The following PRMT3 variants were observed in gnomAD, a reference collection of about 807,000 sequenced individuals.
The protein encoded by PRMT3 is protein arginine methyltransferase 3, also known as protein arginine N-methyltransferase 3.
Under a neutral mutation model 71.9 loss-of-function variants are expected in PRMT3, and 62 were observed. The ratio of observed to expected loss-of-function variants is 0.86; its 90% confidence interval spans 0.70 to 1.07. PRMT3 has a LOEUF of 1.07. Ranked by LOEUF, PRMT3 falls within the 50% of genes least tolerant of loss-of-function variation. The pLI is 0.00. For missense variants in PRMT3, 663 were observed against 643.0 expected (o/e 1.03, Z -0.34); for synonymous variants, 213 against 220.4 (o/e 0.97, Z 0.30).
chr11:20,425,790 G>T (rs1162630296), intron 9 of PRMT3, among the ~76,000 whole-genome samples: 1 of 152,144 alleles, frequency 6.6e-6, no homozygotes, highest in African/African-American at 2.4e-5. Context: ...GGGGGAAGAG[G>T]AAATGTTCTA....
rs545351334 is a variant in PRMT3, at chr11:20,397,238, G to A, written c.561-339G>A. Among the ~76,000 whole-genome samples, 7 of 152,176 alleles carry A rather than the reference G, an allele frequency of 4.6e-5. No homozygotes were observed. The East Asian group carries it at 1.2e-3, about 25-fold the overall frequency. ...GAATATTAATAGAGCTGAAATAAAC[G>A]ACATTGATTCATTTGCTAAAAAAGG... is the stretch of plus-strand genomic sequence containing the variant. On this transcript the variant is annotated intron_variant, in intron 6 of 15. Coordinates refer to ENST00000331079, the MANE Select transcript of PRMT3 (RefSeq NM_005788.4).
At chr11:20,464,408 T>G in intron 12 of PRMT3, 52 bp from the exon 13 acceptor site, 1 of 1,531,334 alleles carries the variant, frequency 6.5e-7, no homozygotes, top group Non-Finnish European at 8.7e-7. Flanking sequence ...TTTGTTTTTT[T>G]TTTTTGGACT....
intron 10 of PRMT3, among the ~76,000 whole-genome samples, chr11:20,444,978 G>A (rs911411368): frequency 6.6e-6 from 1 of 151,908 alleles, no homozygotes; most frequent in Non-Finnish European, 1.5e-5. Context: ...TCATTATGAA[G>A]TATTGTTCTT....
chr11:20,487,555 T>C (rs73451324), intron 13 of PRMT3, among the ~76,000 whole-genome samples: 6,068 of 152,266 alleles, frequency 0.04, 371 homozygotes, highest in African/African-American at 0.14. Flanking sequence ...TGAGGGGGAC[T>C]ACTAGGGTGC....
chr11:20,421,304 C>T (rs927527378), intron 9 of PRMT3, among the ~76,000 whole-genome samples: 1 of 152,148 alleles, frequency 6.6e-6, no homozygotes. Context: ...TCTCAAGATG[C>T]TGGTATTATA....
At chr11:20,441,540 C>CTCG (rs1402706788) in intron 10 of PRMT3, among the ~76,000 whole-genome samples, 4 of 151,646 alleles carry the variant, frequency 2.6e-5, no homozygotes, top group Non-Finnish European at 5.9e-5. Flanking sequence ...ATCTCCTGAC[C>CTCG]TCGTGATCCA....
intron 13 of PRMT3, among the ~76,000 whole-genome samples, chr11:20,489,751 A>G (rs1851163144): frequency 1.3e-5 from 2 of 151,432 alleles, no homozygotes; most frequent in African/African-American, 2.4e-5. Flanking sequence ...TTATATTACT[A>G]TGTTTCAAAT....
At chr11:20,505,891 G>C (rs986273917) in intron 15 of PRMT3, among the ~76,000 whole-genome samples, 4 of 151,044 alleles carry the variant, frequency 2.6e-5, no homozygotes, top group Admixed American at 6.6e-5. Flanking sequence ...AACCCACGGG[G>C]CGGTAAAATT....
intron 7 of PRMT3, among the ~76,000 whole-genome samples, chr11:20,400,780 A>G (rs994096454): frequency 1.3e-5 from 2 of 152,028 alleles, no homozygotes; most frequent in African/African-American, 4.8e-5. Context: ...TTAAAATATT[A>G]TCTTGCTCCT....
intron 2 of PRMT3, 91 bp downstream of exon 2, chr11:20,388,245 C>A: frequency 1.3e-6 from 2 of 1,558,042 alleles, no homozygotes; most frequent in Admixed American, 1.8e-5. Context: ...GGGAGGCAAG[C>A]CAGAGTGGCC....
chr11:20,397,483 A>T, intron 6 of PRMT3, 94 bp from the exon 7 acceptor site: 1 of 1,272,252 alleles, frequency 7.9e-7, no homozygotes, highest in Non-Finnish European at 1.1e-6. Flanking sequence ...ATCACACTGT[A>T]CTCCCTCCCC....
At chr11:20,489,062 T>A (rs1296477684) in intron 13 of PRMT3, among the ~76,000 whole-genome samples, 5 of 152,214 alleles carry the variant, frequency 3.3e-5, no homozygotes, top group African/African-American at 1.2e-4. Context: ...TCACAAAATA[T>A]CAAGAGTGAT....
intron 3 of PRMT3, among the ~76,000 whole-genome samples, chr11:20,391,458 G>T (rs1469338457): frequency 2.6e-5 from 4 of 152,140 alleles, no homozygotes; most frequent in Non-Finnish European, 5.9e-5. Flanking sequence ...GGTCAGGCTG[G>T]TCTGGAACTC....
chr11:20,467,000 T>G (rs776214170), intron 13 of PRMT3, among the ~76,000 whole-genome samples: 2 of 152,172 alleles, frequency 1.3e-5, no homozygotes, highest in Non-Finnish European at 2.9e-5. Context: ...ATGAAAAAGT[T>G]TGTTTGGAAA....
chr11:20,418,298 C>T (rs1849352901), intron 9 of PRMT3, among the ~76,000 whole-genome samples: 2 of 152,110 alleles, frequency 1.3e-5, no homozygotes, highest in Middle Eastern at 3.4e-3. Flanking sequence ...AGTGAGTAGC[C>T]ACTTGAGAAA....
chr11:20,444,253 T>C (rs1158988124), intron 10 of PRMT3, among the ~76,000 whole-genome samples: 3 of 152,184 alleles, frequency 2.0e-5, no homozygotes. Context: ...TCTTAAAATA[T>C]TACACTCTAT....
chr11:20,447,907 G>A (rs1850066441), intron 10 of PRMT3, among the ~76,000 whole-genome samples: 1 of 152,022 alleles, frequency 6.6e-6, no homozygotes. Context: ...AAAAGTGACT[G>A]CTTTGGAAAC....
rs2028647 is a variant in PRMT3, at chr11:20,431,158, T to C, written c.993+4293T>C. On this transcript the variant is annotated intron_variant, in intron 10 of 15. Transcript: ENST00000331079. Reference sequence around the variant, plus strand: ...TGATGACGGAATGTGAATTGTAAAATTGTAAGAGAACGTTCCCAAACAGAA... The same window carrying C: ...TGATGACGGAATGTGAATTGTAAAACTGTAAGAGAACGTTCCCAAACAGAA... Among the ~76,000 whole-genome samples the C allele has an allele frequency of 5.2e-3, 791 of 152,210 alleles. 20 individuals carry two copies. The highest frequency in any genetic ancestry group is 0.049 in the Admixed American group (741 of 15,276).
At chr11:20,402,113 GTTTTTGTTTT>G (rs954931047) in intron 7 of PRMT3, among the ~76,000 whole-genome samples, 7 of 144,174 alleles carry the variant, frequency 4.9e-5, no homozygotes, top group African/African-American at 1.5e-4. Context: ...TTCTATTTTT[GTTTTTGTTTT>G]TTTTTGTTTT....
Sources: allele counts gnomAD v4.1 joint callset (sites outside exome capture counted in the v4.1 genomes callset), GRCh38; gene constraint gnomAD v4.1.1; transcripts MANE v1.5; gene names NCBI Gene and HGNC (gene_info 2026-07-23, HGNC 2026-07-21).